SEMA3E: variants seen among roughly 807,000 people sequenced by gnomAD.
The protein encoded by SEMA3E is semaphorin-3E.
SEMA3E carries 49 observed loss-of-function variants against 93.6 expected under a neutral mutation model. That is an observed-to-expected ratio of 0.52 (90% CI 0.42 to 0.66). The LOEUF (loss-of-function observed/expected upper bound fraction) is 0.66. Among genes scored for constraint, SEMA3E ranks in the 30% least tolerant of loss-of-function variants. The pLI is 0.00. For missense variants in SEMA3E, 906 were observed against 964.8 expected, an observed-to-expected ratio of 0.94 and a Z score of 0.81; for synonymous variants, 363 against 330.7, an observed-to-expected ratio of 1.10 and a Z score of -1.06.
At chr7:83,399,534 C>G (rs547612137) in intron 11 of SEMA3E, among the ~76,000 whole-genome samples, 2 of 152,144 alleles carry the variant, frequency 1.3e-5, no homozygotes, top group Non-Finnish European at 2.9e-5. Context: ...CTCCAGGACT[C>G]GCTGAGCAAA....
chr7:83,610,229 A>T (rs1793222232), intron 1 of SEMA3E, among the ~76,000 whole-genome samples: 1 of 152,026 alleles, frequency 6.6e-6, no homozygotes, highest in Non-Finnish European at 1.5e-5. Flanking sequence ...TAGTTTTCTA[A>T]TTTTCACCCT....
Position 83,428,348 on chromosome 7 carries a change from AAAAC to A in SEMA3E, c.457-9869_457-9866del, listed in dbSNP as rs150651917. Among the ~76,000 whole-genome samples the A allele has an allele frequency of 1.6e-3, 239 of 152,368 alleles. 1 individual carries two copies. The highest frequency in any genetic ancestry group is 2.8e-3 in the Non-Finnish European group (189 of 68,024). On this transcript the variant is annotated intron_variant, in intron 4 of 16. Transcript: ENST00000643230. Reference sequence around the variant, plus strand: ...TAGAATATTATAAGTACTACAGGACAAAACAAACAATCATTTATTTTATTAGCTA... The same window carrying A: ...TAGAATATTATAAGTACTACAGGACAAAACAATCATTTATTTTATTAGCTA...
chr7:83,535,389 G>A (rs187279410), intron 1 of SEMA3E, among the ~76,000 whole-genome samples: 69 of 103,906 alleles, frequency 6.6e-4, no homozygotes, highest in Non-Finnish European at 1.2e-3. Flanking sequence ...CAAGAGACCA[G>A]TTTTAAAAAG....
chr7:83,545,128 T>C (rs931077200), intron 1 of SEMA3E, among the ~76,000 whole-genome samples: 1 of 152,058 alleles, frequency 6.6e-6, no homozygotes, highest in African/African-American at 2.4e-5. Flanking sequence ...GATTCCAAAA[T>C]GAATATTTGA....
intron 4 of SEMA3E, among the ~76,000 whole-genome samples, chr7:83,421,697 T>A (rs564242626): frequency 7.0e-6 from 1 of 142,340 alleles, no homozygotes; most frequent in East Asian, 1.9e-4. Context: ...TGATCTTAAC[T>A]TTGCTAGTCA....
chr7:83,632,285 T>C (rs1345732870), intron 1 of SEMA3E, among the ~76,000 whole-genome samples: 1 of 151,960 alleles, frequency 6.6e-6, no homozygotes, highest in Non-Finnish European at 1.5e-5. Flanking sequence ...ATAACCAAAA[T>C]ACTGAAAGAA....
intron 1 of SEMA3E, among the ~76,000 whole-genome samples, chr7:83,543,302 C>T (rs1791577199): frequency 6.6e-6 from 1 of 151,880 alleles, no homozygotes; most frequent in African/African-American, 2.4e-5. Context: ...GCCATGAATA[C>T]CCTTAAATGT....
intron 1 of SEMA3E, among the ~76,000 whole-genome samples, chr7:83,596,756 C>A (rs1792882626): frequency 6.6e-6 from 1 of 152,062 alleles, no homozygotes. Flanking sequence ...CTTGCTCTCC[C>A]TGTGATCTCT....
At chr7:83,639,493 T>C (rs1240881516) in intron 1 of SEMA3E, among the ~76,000 whole-genome samples, 2 of 151,944 alleles carry the variant, frequency 1.3e-5, no homozygotes, top group African/African-American at 4.8e-5. Context: ...CAGGCGGTAA[T>C]TATAGCCTTT....
At chr7:83,610,718 T>C (rs1434320662) in intron 1 of SEMA3E, among the ~76,000 whole-genome samples, 1 of 151,890 alleles carries the variant, frequency 6.6e-6, no homozygotes, top group African/African-American at 2.4e-5. Context: ...TAAAATGAGA[T>C]GGGGAGGGAC....
At chr7:83,371,514 T>A (rs1794748630) in intron 16 of SEMA3E, 1 of 152,226 alleles carries the variant, frequency 6.6e-6, no homozygotes, top group Non-Finnish European at 1.5e-5. Flanking sequence ...AATTTATCTT[T>A]AATTTTGGTT....
Position 83,605,417 on chromosome 7 carries a change from G to A in SEMA3E, c.115+43011C>T, listed in dbSNP as rs913651672. 8.8e-4 allele frequency among the ~76,000 whole-genome samples: 132 copies of A among 150,664 alleles called. 3 individuals carry two copies. The highest frequency in any genetic ancestry group is 1.2e-3 in the Non-Finnish European group (80 of 67,784). ...GCTTTTATTCACATGTTTCTTGGCCGCATAAATGTCCTCTCTTTTTTTTTT... is the reference window on the plus strand; with the variant it reads ...GCTTTTATTCACATGTTTCTTGGCCACATAAATGTCCTCTCTTTTTTTTTT... On this transcript the variant is annotated intron_variant, in intron 1 of 16. Coordinates refer to ENST00000643230, the MANE Select transcript of SEMA3E (RefSeq NM_012431.3).
chr7:83,467,473 T>C (rs1394803055), intron 3 of SEMA3E, among the ~76,000 whole-genome samples: 1 of 152,242 alleles, frequency 6.6e-6, no homozygotes, highest in Non-Finnish European at 1.5e-5. Context: ...AACATTTTGT[T>C]GCAGGACTAT....
intron 1 of SEMA3E, among the ~76,000 whole-genome samples, chr7:83,543,745 T>G (rs1791585627): frequency 6.6e-6 from 1 of 152,040 alleles, no homozygotes; most frequent in South Asian, 2.1e-4. Context: ...TAACTCTATA[T>G]TGCTCGTTCT....
At chr7:83,625,207 G>T (rs996937602) in intron 1 of SEMA3E, among the ~76,000 whole-genome samples, 1 of 152,038 alleles carries the variant, frequency 6.6e-6, no homozygotes, top group African/African-American at 2.4e-5. Context: ...TGGCTATATG[G>T]GCTCTTTTTG....
At chr7:83,491,691 A>C (rs1453356934) in intron 1 of SEMA3E, among the ~76,000 whole-genome samples, 1 of 152,056 alleles carries the variant, frequency 6.6e-6, no homozygotes, top group Non-Finnish European at 1.5e-5. Flanking sequence ...TATAGGTAAA[A>C]CATATAGCTT....
intron 1 of SEMA3E, among the ~76,000 whole-genome samples, chr7:83,603,591 C>T (rs1189501411): frequency 1.3e-5 from 2 of 152,086 alleles, no homozygotes; most frequent in Admixed American, 1.3e-4. Context: ...TGAGAAAGTA[C>T]TCCATCTGTA....
At chr7:83,468,700 C>G (rs1789829701) in intron 3 of SEMA3E, among the ~76,000 whole-genome samples, 1 of 152,148 alleles carries the variant, frequency 6.6e-6, no homozygotes, top group African/African-American at 2.4e-5. Context: ...GTGTTAGGGA[C>G]TGTGTCTGGG....
chr7:83,439,381 G>A (rs1448176819), intron 4 of SEMA3E, among the ~76,000 whole-genome samples: 1 of 152,210 alleles, frequency 6.6e-6, no homozygotes, highest in Admixed American at 6.5e-5. Flanking sequence ...CAGCCATATA[G>A]CTCTCTTGGA....
Sources: allele counts gnomAD v4.1 joint callset (sites outside exome capture counted in the v4.1 genomes callset), GRCh38; gene constraint gnomAD v4.1.1; transcripts MANE v1.5; gene names NCBI Gene and HGNC (gene_info 2026-07-23, HGNC 2026-07-21).